The following RNF216 variants were observed in gnomAD, a reference collection of about 807,000 sequenced individuals.
RNF216 encodes ring finger protein 216.
RNF216 carries 72 observed loss-of-function variants against 110.8 expected under a neutral mutation model. The observed-to-expected ratio is 0.65, with a 90% CI of 0.54 to 0.79. The LOEUF is 0.79. Among genes scored for constraint, RNF216 ranks in the 30% least tolerant of loss-of-function variants. The pLI, the probability that RNF216 is intolerant of heterozygous loss-of-function variation, is 0.00. For missense variants in RNF216, 1,342 were observed against 1,141.2 expected, an observed-to-expected ratio of 1.18 and a Z score of -2.54; for synonymous variants, 495 against 407.5, an observed-to-expected ratio of 1.21 and a Z score of -2.59.
At chr7:5,720,556 C>T (rs1393707799) in intron 9 of RNF216, among the ~76,000 whole-genome samples, 1 of 152,054 alleles carries the variant, frequency 6.6e-6, no homozygotes, top group Non-Finnish European at 1.5e-5. Context: ...GGGAAGCACT[C>T]CTAACTTTCA....
chr7:5,675,964 C>G (rs1790262081), intron 13 of RNF216, among the ~76,000 whole-genome samples: 1 of 151,872 alleles, frequency 6.6e-6, no homozygotes, highest in Admixed American at 6.6e-5. Flanking sequence ...CCACCTCAGC[C>G]TTCCAAAGTG....
intron 8 of RNF216, 139 bp from the exon 9 acceptor site, chr7:5,721,311 C>T (rs1038634721): frequency 2.6e-6 from 2 of 764,290 alleles, no homozygotes; most frequent in East Asian, 2.7e-5. Flanking sequence ...CACATTCTAC[C>T]ATTTGGGAAG....
intron 13 of RNF216, among the ~76,000 whole-genome samples, chr7:5,669,877 C>T (rs186872466): frequency 6.6e-6 from 1 of 151,586 alleles, no homozygotes; most frequent in East Asian, 1.9e-4. Flanking sequence ...GGGCAAGACT[C>T]CATCTCAAAA....
At chr7:5,689,984 C>G (rs181441826) in intron 13 of RNF216, among the ~76,000 whole-genome samples, 1 of 151,286 alleles carries the variant, frequency 6.6e-6, no homozygotes, top group East Asian at 1.9e-4. Flanking sequence ...GGCAGGTAAC[C>G]CCCCTTATTT....
At chr7:5,771,622 C>T (rs1249221170) in intron 1 of RNF216, among the ~76,000 whole-genome samples, 2 of 151,802 alleles carry the variant, frequency 1.3e-5, no homozygotes, top group South Asian at 4.2e-4. Flanking sequence ...CATGGCAAAA[C>T]CCATTTCTAC....
intron 1 of RNF216, among the ~76,000 whole-genome samples, chr7:5,779,736 G>GGA (rs1393128324): frequency 6.6e-6 from 1 of 150,934 alleles, no homozygotes; most frequent in African/African-American, 2.4e-5. Context: ...GGCTGAGGCA[G>GGA]GAGAATTACT....
chr7:5,737,174 C>T (rs917903108), intron 5 of RNF216, among the ~76,000 whole-genome samples: 15 of 152,236 alleles, frequency 9.9e-5, no homozygotes, highest in African/African-American at 3.6e-4. Context: ...TTGTTCTGTA[C>T]TAAGAAAAAT....
chr7:5,694,177 C>G (rs576851967), intron 13 of RNF216, among the ~76,000 whole-genome samples: 35 of 152,326 alleles, frequency 2.3e-4, no homozygotes, highest in Admixed American at 2.0e-3. Flanking sequence ...CTAAAAAGGG[C>G]ATTTTGTAAA....
At position 5,741,566 on chromosome 7, in the gene RNF216, G is replaced by C. The variant is rs1475796401; in HGVS notation, c.451C>G (p.Gln151Glu). Reference protein sequence around the residue: ...GISEFTKPSGQTEREPKPGPS... With the variant: ...GISEFTKPSGETEREPKPGPS... The stretch of plus-strand genomic sequence containing the variant: ...CCAGGCTTGGGTTCTCTTTCTGTTT[G>C]GCCACTTGGCTTAGTGAATTCAGAG... Residue 151 changes from glutamine (Q) to glutamate (E), a missense_variant, in exon 4 of 17, where the codon CAA becomes GAA. By Grantham distance (29) the Gln-to-Glu change is conservative. Coordinates refer to ENST00000389902, the MANE Select transcript of RNF216 (RefSeq NM_207111.4). 6.2e-7 allele frequency: 1 copy of C among 1,613,944 alleles called. No individual in the cohort carries two copies. Among genetic ancestry groups the C allele is most frequent in the Non-Finnish European group, 8.5e-7 (1 of 1,180,036 alleles).
intron 13 of RNF216, among the ~76,000 whole-genome samples, chr7:5,681,543 A>G (rs1432631633): frequency 6.6e-6 from 1 of 152,160 alleles, no homozygotes; most frequent in Non-Finnish European, 1.5e-5. Flanking sequence ...CAGGACCTGT[A>G]GCACCAAGGA....
At chr7:5,771,993 G>A (rs762613913) in intron 1 of RNF216, among the ~76,000 whole-genome samples, 63 of 152,324 alleles carry the variant, frequency 4.1e-4, no homozygotes, top group Non-Finnish European at 8.1e-4. Flanking sequence ...CAGCACTTTG[G>A]AAGGCCGAGG....
chr7:5,684,260 G>A (rs1043777138), intron 13 of RNF216, among the ~76,000 whole-genome samples: 22 of 151,920 alleles, frequency 1.4e-4, no homozygotes, highest in African/African-American at 5.1e-4. Flanking sequence ...CCGCCACCAC[G>A]CCCAGCTAAT....
intron 13 of RNF216, among the ~76,000 whole-genome samples, chr7:5,654,135 A>C (rs1466200786): frequency 6.6e-6 from 1 of 152,178 alleles, no homozygotes; most frequent in African/African-American, 2.4e-5. Flanking sequence ...AAAGCCACTC[A>C]GGAGAGAGGC....
chr7:5,651,819 T>C (rs1485565805), intron 14 of RNF216, among the ~76,000 whole-genome samples: 1 of 152,142 alleles, frequency 6.6e-6, no homozygotes, highest in Non-Finnish European at 1.5e-5. Context: ...CAGCTAATTT[T>C]TGTACTTTTA....
At chr7:5,669,011 G>A (rs1281665293) in intron 13 of RNF216, among the ~76,000 whole-genome samples, 1 of 152,208 alleles carries the variant, frequency 6.6e-6, no homozygotes, top group Non-Finnish European at 1.5e-5. Flanking sequence ...GAGCATAAGT[G>A]ATTTTTAGTT....
chr7:5,764,210 TAA>T (rs79117988), intron 1 of RNF216, among the ~76,000 whole-genome samples: 23 of 115,724 alleles, frequency 2.0e-4, no homozygotes, highest in East Asian at 9.8e-4. Context: ...ATAAACTAAT[TAA>T]AAAAAAAAAA....
At chr7:5,701,781 G>A (rs1791986887) in intron 13 of RNF216, among the ~76,000 whole-genome samples, 1 of 152,198 alleles carries the variant, frequency 6.6e-6, no homozygotes. Flanking sequence ...AGCACCCAGT[G>A]CTGTGCAGAG....
chr7:5,676,102 C>T (rs1790274312), intron 13 of RNF216, among the ~76,000 whole-genome samples: 1 of 151,870 alleles, frequency 6.6e-6, no homozygotes, highest in South Asian at 2.1e-4. Flanking sequence ...ACCTTCGTCT[C>T]CCAGGTTCAA....
intron 3 of RNF216, among the ~76,000 whole-genome samples, chr7:5,743,357 G>T (rs1030027504): frequency 4.6e-5 from 7 of 151,978 alleles, no homozygotes; most frequent in African/African-American, 1.7e-4. Flanking sequence ...ATCGAAAAAG[G>T]GCATATACAA....
Sources: allele counts gnomAD v4.1 joint callset (sites outside exome capture counted in the v4.1 genomes callset), GRCh38; gene constraint gnomAD v4.1.1; transcripts MANE v1.5; gene names NCBI Gene and HGNC (gene_info 2026-07-23, HGNC 2026-07-21).